WLS: variants seen among roughly 807,000 people sequenced by gnomAD.
The protein encoded by WLS is Wnt ligand secretion mediator.
A neutral mutation model predicts 62.8 loss-of-function variants in WLS; 23 were observed. That is an observed-to-expected ratio of 0.37 (90% CI 0.26 to 0.52). The LOEUF is 0.52. WLS is among the 20% of genes least tolerant of loss of function. The pLI, the probability that WLS is intolerant of heterozygous loss-of-function variation, is 0.92. For missense variants in WLS, 615 were observed against 697.3 expected (o/e 0.88, Z 1.33); for synonymous variants, 246 against 244.1 (o/e 1.01, Z -0.07).
rs545838419 is a variant in WLS at position 68,105,756 on chromosome 1, A to G, written c.1511-7003T>C. The stretch of plus-strand genomic sequence containing the variant: ...CATTAAGGGAGCCAGAACCTGCCTG[A>G]ACTGCTAGAAATAAGGGGTGGAAAG... On this transcript the variant is annotated intron_variant, in intron 11 of 11. Coordinates refer to the WLS transcript ENST00000354777. Among the ~76,000 whole-genome samples, 15 of 152,288 alleles carry G rather than the reference A, an allele frequency of 9.8e-5. No individual in the cohort carries two copies. The South Asian group carries it at 2.9e-3, about 30-fold the overall frequency.
intron 2 of WLS, among the ~76,000 whole-genome samples, chr1:68,189,950 C>T (rs1244379812): frequency 6.6e-6 from 1 of 152,040 alleles, no homozygotes; most frequent in African/African-American, 2.4e-5. Flanking sequence ...CAGAGATTGC[C>T]GTGAACCAAG....
Position 68,232,273 on chromosome 1 carries a change from C to T in WLS, c.27G>A (p.Met9Ile). Reference sequence around the variant, plus strand: ...CAACAATGCACAGCTTCTTGGTGCTCATGTTTTCTATAATTGCCCCAGCCA... The same window carrying T: ...CAACAATGCACAGCTTCTTGGTGCTTATGTTTTCTATAATTGCCCCAGCCA... MAGAIIEN[M>I]STKKLCIVGG... The change falls in exon 1 of 12, where the codon ATG becomes ATA. Residue 9 changes from methionine to isoleucine, a missense_variant. Transcript: ENST00000262348. The T allele has an allele frequency of 6.2e-7, 1 of 1,613,970 alleles. No homozygotes were observed. Among genetic ancestry groups the T allele is most frequent in the Non-Finnish European group, 8.5e-7 (1 of 1,179,946 alleles).
intron 11 of WLS, among the ~76,000 whole-genome samples, chr1:68,130,177 A>G (rs974958128): frequency 6.6e-6 from 1 of 152,180 alleles, no homozygotes; most frequent in African/African-American, 2.4e-5. Flanking sequence ...TTTAATGACA[A>G]TTGTTTGTGT....
At chr1:68,226,265 T>C (rs1433996149) in intron 1 of WLS, among the ~76,000 whole-genome samples, 3 of 152,206 alleles carry the variant, frequency 2.0e-5, no homozygotes, top group Non-Finnish European at 2.9e-5. Context: ...TAATCTAGGC[T>C]CTGATGTCCG....
intron 1 of WLS, among the ~76,000 whole-genome samples, chr1:68,195,252 G>T (rs915008860): frequency 3.3e-5 from 5 of 152,220 alleles, no homozygotes; most frequent in Non-Finnish European, 7.3e-5. Flanking sequence ...CCTGTCTGGT[G>T]TCAAATCCTG....
Position 68,222,616 on chromosome 1 carries a change from T to A in WLS, c.106+9578A>T, listed in dbSNP as rs1224176422. Among the ~76,000 whole-genome samples the A allele has an allele frequency of 2.6e-5, 4 of 152,218 alleles. No homozygotes were observed. The South Asian group carries it at 6.2e-4, about 24-fold the overall frequency. On this transcript the variant is annotated intron_variant, in intron 1 of 11. Transcript: ENST00000262348. ...GCACTGAGTAGCATTAGAAACTGCG[T>A]CCAAGCCATGGCTCCACCTCTAATT...
downstream of WLS, among the ~76,000 whole-genome samples, chr1:68,122,594 A>T (rs1646376966): frequency 2.0e-5 from 3 of 152,318 alleles, no homozygotes; most frequent in Middle Eastern, 3.4e-3. Flanking sequence ...CTGTAAAATT[A>T]TATACTTTTT....
chr1:68,227,348 C>T (rs1023611640), intron 1 of WLS, among the ~76,000 whole-genome samples: 3 of 138,224 alleles, frequency 2.2e-5, no homozygotes, highest in Non-Finnish European at 3.0e-5. Flanking sequence ...ACCCGGGAGG[C>T]GGAGGTTGCA....
chr1:68,217,037 G>A (rs1649758397), intron 1 of WLS, among the ~76,000 whole-genome samples: 2 of 152,120 alleles, frequency 1.3e-5, no homozygotes, highest in South Asian at 4.1e-4. Context: ...GGAGCAATAA[G>A]AAGTACACTG....
Position 68,187,007 on chromosome 1 carries a change from C to T in WLS, c.379+6948G>A, listed in dbSNP as rs111312291. Reference sequence around the variant, plus strand: ...CGGGCGGATCACAAGGTCAGGAGATCGAGACCATCCTGGCTAACACGGTGA... The same window carrying T: ...CGGGCGGATCACAAGGTCAGGAGATTGAGACCATCCTGGCTAACACGGTGA... On this transcript the variant is annotated intron_variant, in intron 2 of 11. Transcript: ENST00000262348. Among the ~76,000 whole-genome samples the T allele has an allele frequency of 3.3e-5, 5 of 151,488 alleles. 1 individual carries two copies. Among genetic ancestry groups the T allele is most frequent in the African/African-American group, 1.2e-4 (5 of 41,212 alleles).
At position 68,217,789 on chromosome 1, in the gene WLS, G is replaced by T. The variant is rs570070987; in HGVS notation, c.106+14405C>A. Reference sequence around the variant, plus strand: ...CCCTCTTATTTATCTTTGACAAGGTGGTCAGGAGGAACCCAGCCCCTTTGT... The same window carrying T: ...CCCTCTTATTTATCTTTGACAAGGTTGTCAGGAGGAACCCAGCCCCTTTGT... On this transcript the variant is annotated intron_variant, in intron 1 of 11. Coordinates refer to ENST00000262348, the MANE Select transcript of WLS (RefSeq NM_024911.7). Among the ~76,000 whole-genome samples, 9 of 152,270 alleles carry T rather than the reference G, an allele frequency of 5.9e-5. No homozygotes were observed. In the South Asian group the frequency reaches 1.7e-3, roughly 28 times the overall value.
At chr1:68,145,813 C>G in intron 9 of WLS, 56 bp downstream of exon 9, 1 of 1,605,110 alleles carries the variant, frequency 6.2e-7, no homozygotes, top group Non-Finnish European at 8.5e-7. Flanking sequence ...GTTTACACAT[C>G]AAGTGGAAAG....
At chr1:68,184,387 G>A (rs1020664284) in intron 2 of WLS, among the ~76,000 whole-genome samples, 3 of 152,168 alleles carry the variant, frequency 2.0e-5, no homozygotes, top group African/African-American at 7.2e-5. Context: ...AATGCATAGA[G>A]TGACTTTTTA....
Position 68,106,484 on chromosome 1 carries a change from G to A in WLS, c.1511-7731C>T, listed in dbSNP as rs113760354. On this transcript the variant is annotated intron_variant, in intron 11 of 11. Transcript: ENST00000354777. ...GGGACACCAGACCAGTGTCCTTCAGGTCTGGGAGCCCCACAGAGCAACAGC... is the reference window on the plus strand; with the variant it reads ...GGGACACCAGACCAGTGTCCTTCAGATCTGGGAGCCCCACAGAGCAACAGC... 1.1e-3 allele frequency among the ~76,000 whole-genome samples: 168 copies of A among 152,284 alleles called. 1 individual carries two copies. Among genetic ancestry groups the A allele is most frequent in the Non-Finnish European group, 1.5e-3 (103 of 68,026 alleles).
intron 11 of WLS, among the ~76,000 whole-genome samples, chr1:68,112,518 C>T (rs1646241267): frequency 6.6e-6 from 1 of 152,216 alleles, no homozygotes; most frequent in African/African-American, 2.4e-5. Flanking sequence ...AGACTCTCTG[C>T]TAAACAGGCT....
intron 1 of WLS, among the ~76,000 whole-genome samples, chr1:68,215,055 C>T (rs911238460): frequency 6.6e-6 from 1 of 152,172 alleles, no homozygotes; most frequent in East Asian, 1.9e-4. Flanking sequence ...TAGTGCTTGG[C>T]TTGGTCACAT....
At chr1:68,114,523 A>G (rs1279003406) in intron 11 of WLS, among the ~76,000 whole-genome samples, 1 of 152,202 alleles carries the variant, frequency 6.6e-6, no homozygotes, top group Admixed American at 6.5e-5. Context: ...AGCAATGCTA[A>G]GTGGTATAAT....
chr1:68,187,354 C>T (rs1570976985), intron 2 of WLS, among the ~76,000 whole-genome samples: 2 of 151,914 alleles, frequency 1.3e-5, no homozygotes, highest in East Asian at 3.9e-4. Context: ...AGTATGCCCC[C>T]TATTAAGTGC....
At chr1:68,201,065 C>T (rs549491280) in intron 1 of WLS, among the ~76,000 whole-genome samples, 1 of 152,256 alleles carries the variant, frequency 6.6e-6, no homozygotes, top group African/African-American at 2.4e-5. Flanking sequence ...TTTAAATATG[C>T]TCAATTGATT....
Sources: gnomAD v4.1 joint callset for allele counts (sites outside exome capture counted in the v4.1 genomes callset) on GRCh38, gnomAD v4.1.1 for gene constraint, MANE v1.5 for transcripts, NCBI Gene and HGNC (gene_info 2026-07-23, HGNC 2026-07-21) for gene names.